The following UBE2O variants were observed in gnomAD, a reference collection of about 807,000 sequenced individuals.
UBE2O encodes the protein ubiquitin conjugating enzyme E2 O.
Under a neutral mutation model 125.8 loss-of-function variants are expected in UBE2O, and 15 were observed. That is an observed-to-expected ratio of 0.12 (90% CI 0.08 to 0.18). UBE2O has a LOEUF of 0.18. Ranked by LOEUF, UBE2O falls within the 10% of genes least tolerant of loss-of-function variation. The pLI, the probability that UBE2O is intolerant of heterozygous loss-of-function variation, is 1.00. For missense variants in UBE2O, 1,280 were observed against 1,723.6 expected, an observed-to-expected ratio of 0.74 and a Z score of 4.56; for synonymous variants, 708 against 703.2, an observed-to-expected ratio of 1.01 and a Z score of -0.11.
chr17:76,426,227 CG>C (rs977988442), intron 1 of UBE2O, among the ~76,000 whole-genome samples: 110 of 152,276 alleles, frequency 7.2e-4, no homozygotes, highest in Middle Eastern at 6.8e-3. Flanking sequence ...TGGTCTCGAA[CG>C]GGGCTCAAGC....
Position 76,390,761 on chromosome 17 carries a change from T to C in UBE2O, c.*182A>G, listed in dbSNP as rs529967560. On this transcript the variant is annotated 3_prime_UTR_variant, in exon 18 of 18. Transcript: ENST00000319380. ...CGCCTGTTGAAAGCTCGCTTCAAAA[T>C]AGAAACGGCAGCATCTCAACACACT... 21 of 550,270 alleles carry C rather than the reference T, an allele frequency of 3.8e-5. No individual in the cohort carries two copies. Among genetic ancestry groups the C allele is most frequent in the African/African-American group, 2.1e-4 (11 of 51,922 alleles). 34.1% of individuals were successfully genotyped at this position (550,270 alleles called of 1,614,324 possible). A position where few individuals can be genotyped will look rare whatever the true frequency, so the allele number is the denominator to read the frequency against.
At chr17:76,433,247 A>C (rs1356611586) in intron 1 of UBE2O, among the ~76,000 whole-genome samples, 1 of 151,758 alleles carries the variant, frequency 6.6e-6, no homozygotes, top group Admixed American at 6.6e-5. Context: ...CATATGATAG[A>C]ATATTATTCA....
At chr17:76,421,778 T>C (rs2072716667) in intron 1 of UBE2O, among the ~76,000 whole-genome samples, 1 of 152,204 alleles carries the variant, frequency 6.6e-6, no homozygotes, top group Non-Finnish European at 1.5e-5. Context: ...TTGTGGCCTT[T>C]CTTTCATGGA....
At chr17:76,434,635 A>C (rs1343627491) in intron 1 of UBE2O, among the ~76,000 whole-genome samples, 2 of 152,132 alleles carry the variant, frequency 1.3e-5, no homozygotes, top group Non-Finnish European at 2.9e-5. Flanking sequence ...AGTCCTTTTA[A>C]GAGTCTTGCC....
In UBE2O at chr17:76,453,112, T is replaced by C; in HGVS notation, c.30A>G (p.Ala10=). 1 of 852,392 alleles carries C rather than the reference T, an allele frequency of 1.2e-6. No individual in the cohort carries two copies. The highest frequency in any genetic ancestry group is 1.8e-5 in the African/African-American group (1 of 55,654). The allele number at this position is 852,392 out of a possible 1,614,324, so 52.8% of individuals were successfully genotyped here. Residue 10 remains alanine (A), a synonymous_variant, in exon 1 of 18, where the codon GCA becomes GCG. Coordinates refer to ENST00000319380, the MANE Select transcript of UBE2O (RefSeq NM_022066.4). The part of the protein sequence containing the change: MADPAAPTP[A]APAPAQAPAP... ...CCGGGGCCTGGGCTGGAGCGGGAGCTGCGGGCGTGGGGGCTGCGGGATCCG... is the reference window on the plus strand; with the variant it reads ...CCGGGGCCTGGGCTGGAGCGGGAGCCGCGGGCGTGGGGGCTGCGGGATCCG...
rs1465295965 is a variant in UBE2O at position 76,405,652 on chromosome 17, A to G, written c.418-80T>C. Reference sequence around the variant, plus strand: ...CAGTTTTCTTCCAGCTTCTGAAGGAAAGCGTCACATCCACACTGCTAAGTG... The same window carrying G: ...CAGTTTTCTTCCAGCTTCTGAAGGAGAGCGTCACATCCACACTGCTAAGTG... On this transcript the variant is annotated intron_variant, in intron 1 of 17. Transcript: ENST00000319380. This position sits in a 1 kb window ranked among gnomAD's most constrained non-coding sequence, Gnocchi z 6.1. 14 of 1,272,012 alleles carry G rather than the reference A, an allele frequency of 1.1e-5. No homozygotes were observed. The Admixed American group carries it at 2.8e-4, about 26-fold the overall frequency. The allele number at this position is 1,272,012 out of a possible 1,614,324, so 78.8% of individuals were successfully genotyped here.
chr17:76,431,388 C>T (rs899021802), intron 1 of UBE2O, among the ~76,000 whole-genome samples: 3 of 152,016 alleles, frequency 2.0e-5, no homozygotes, highest in African/African-American at 2.4e-5. Context: ...TGCTGGTGCA[C>T]GCCTGTAATC....
chr17:76,446,660 G>C (rs1462580477), intron 1 of UBE2O, among the ~76,000 whole-genome samples: 1 of 152,222 alleles, frequency 6.6e-6, no homozygotes, highest in East Asian at 1.9e-4. Flanking sequence ...AGCATTCCCA[G>C]CCGAAGGATG....
In UBE2O at chr17:76,452,180, C is replaced by CAGGGTA. The variant is rs2143943026; in HGVS notation, c.417+539_417+544dup. Among the ~76,000 whole-genome samples, 1 of 152,272 alleles carries CAGGGTA rather than the reference C, an allele frequency of 6.6e-6. No homozygotes were observed. Among genetic ancestry groups the CAGGGTA allele is most frequent in the South Asian group, 2.1e-4 (1 of 4,830 alleles). ...CCCTGCAGCAATTAAAAGGAGGCAG[C>CAGGGTA]AGGGTAAAACAAAAAGAGGCTGGGT... On this transcript the variant is annotated intron_variant, in intron 1 of 17. Transcript: ENST00000319380. The surrounding 1 kb of genome is among the most constrained non-coding windows in gnomAD (Gnocchi z 4.4).
intron 1 of UBE2O, among the ~76,000 whole-genome samples, chr17:76,447,219 C>A (rs2073165787): frequency 6.6e-6 from 1 of 152,230 alleles, no homozygotes; most frequent in South Asian, 2.1e-4. Context: ...ATCTCTGAAT[C>A]CTGAACTTAA....
intron 1 of UBE2O, among the ~76,000 whole-genome samples, chr17:76,419,100 C>G (rs1464968164): frequency 6.7e-6 from 1 of 148,794 alleles, no homozygotes; most frequent in Admixed American, 6.8e-5. Flanking sequence ...CCTGGGCAAC[C>G]TAGTGAGACC....
chr17:76,429,205 T>A (rs113122326), intron 1 of UBE2O, among the ~76,000 whole-genome samples: 1 of 151,502 alleles, frequency 6.6e-6, no homozygotes, highest in East Asian at 2.0e-4. Context: ...CAGCCAGCCC[T>A]CTACTATGTT....
chr17:76,430,466 G>A, intron 1 of UBE2O: 1 of 251,468 alleles, frequency 4.0e-6, no homozygotes. Context: ...CCTGTTGGCA[G>A]CAGCTCCATT....
Position 76,425,868 on chromosome 17 carries a change from C to A in UBE2O, c.418-20296G>T, listed in dbSNP as rs1401033446. On this transcript the variant is annotated intron_variant, in intron 1 of 17. Transcript: ENST00000319380. The stretch of plus-strand genomic sequence containing the variant: ...TCCTGCAGAATTCCATCCTGTCTCT[C>A]TAACTCAGACTTTCCTCTGCCGCTC... Among the ~76,000 whole-genome samples the A allele has an allele frequency of 2.6e-4, 40 of 152,210 alleles. 1 individual carries two copies. The highest frequency in any genetic ancestry group is 2.6e-3 in the Admixed American group (39 of 15,284).
intron 1 of UBE2O, among the ~76,000 whole-genome samples, chr17:76,416,531 G>A (rs2072619609): frequency 6.6e-6 from 1 of 152,192 alleles, no homozygotes; most frequent in South Asian, 2.1e-4. Context: ...CTGTGTCCAA[G>A]AAGTGGGGCA....
Position 76,391,349 on chromosome 17 carries a change from A to C in UBE2O, c.3473T>G (p.Leu1158Arg). ...GCTGGCCTTGGGCACCCCGTTGGGC[A>C]GTGCCTGGGCCTTCTCCAGCAGGGC... ...THALLEKAQA[L>R]PNGVPKASSS... Residue 1158 changes from leucine to arginine, a missense_variant, in exon 18 of 18, where the codon CTG (leucine) becomes CGG (arginine). By Grantham distance (102) the Leu-to-Arg change is moderately radical. Coordinates refer to ENST00000319380, the MANE Select transcript of UBE2O (RefSeq NM_022066.4). The surrounding 1 kb of genome is among the most constrained non-coding windows in gnomAD (Gnocchi z 8.4). 1 of 1,613,158 alleles carries C rather than the reference A, an allele frequency of 6.2e-7. No homozygotes were observed. Among genetic ancestry groups the C allele is most frequent in the South Asian group, 1.1e-5 (1 of 91,078 alleles).
chr17:76,417,463 C>G (rs2072634549), intron 1 of UBE2O, among the ~76,000 whole-genome samples: 1 of 152,202 alleles, frequency 6.6e-6, no homozygotes, highest in African/African-American at 2.4e-5. Context: ...TTTAGATACA[C>G]CAGGAGAGCT....
intron 1 of UBE2O, among the ~76,000 whole-genome samples, chr17:76,434,799 AAAC>A (rs1033937575): frequency 2.0e-5 from 3 of 150,830 alleles, no homozygotes; most frequent in East Asian, 1.9e-4. Flanking sequence ...TTTTTTAAAA[AAAC>A]AAACAAAAAA....
In UBE2O at chr17:76,399,409, A is replaced by C. The variant is rs777671379; in HGVS notation, c.1628+40T>G. ...GGGGACGCGCACTCTGCCTGGCTTC[A>C]CGCTGACGCCATTGGGGAGGGGCAC... On this transcript the variant is annotated intron_variant, in intron 9 of 17. Coordinates refer to ENST00000319380, the MANE Select transcript of UBE2O (RefSeq NM_022066.4). This position sits in a 1 kb window ranked among gnomAD's most constrained non-coding sequence, Gnocchi z 6.9. 6.3e-6 allele frequency: 10 copies of C among 1,590,178 alleles called. No homozygotes were observed. Among genetic ancestry groups the C allele is most frequent in the Non-Finnish European group, 7.7e-6 (9 of 1,162,910 alleles).
Sources: allele counts gnomAD v4.1 joint callset (sites outside exome capture counted in the v4.1 genomes callset), GRCh38; gene constraint gnomAD v4.1.1; non-coding constraint Gnocchi (gnomAD v3.1); transcripts MANE v1.5; gene names NCBI Gene and HGNC (gene_info 2026-07-23, HGNC 2026-07-21).